The following TMC1 variants were observed in gnomAD, a reference collection of about 807,000 sequenced individuals.
TMC1 encodes transmembrane channel-like protein 1.
In TMC1, 84 loss-of-function variants were observed where a neutral mutation model predicts 105.8. The observed-to-expected ratio is 0.79, with a 90% CI of 0.67 to 0.95. The LOEUF (loss-of-function observed/expected upper bound fraction) is 0.95. Ranked by LOEUF, TMC1 falls within the 40% of genes least tolerant of loss-of-function variation. The probability of loss-of-function intolerance (pLI) is 0.00; values close to 1 mark genes in which losing one functional copy is unlikely to be tolerated. For synonymous variants in TMC1, 315 were observed against 311.5 expected (o/e 1.01, Z -0.12); for missense variants, 817 against 914.1 (o/e 0.89, Z 1.37).
At chr9:72,756,932 AG>A (rs1477128553) in intron 12 of TMC1, among the ~76,000 whole-genome samples, 1 of 152,124 alleles carries the variant, frequency 6.6e-6, no homozygotes, top group African/African-American at 2.4e-5. Flanking sequence ...GTAGAGGGAA[AG>A]GGTTTGGATG....
intron 1 of TMC1, among the ~76,000 whole-genome samples, chr9:72,537,363 G>A (rs1459562663): frequency 6.6e-6 from 1 of 152,130 alleles, no homozygotes; most frequent in Non-Finnish European, 1.5e-5. Flanking sequence ...CTGCATCCTT[G>A]AATTCCTCTC....
intron 3 of TMC1, among the ~76,000 whole-genome samples, chr9:72,617,556 C>T (rs1825156259): frequency 6.6e-6 from 1 of 152,122 alleles, no homozygotes; most frequent in African/African-American, 2.4e-5. Context: ...TACCAAATGG[C>T]ATAAGACCAC....
intron 1 of TMC1, among the ~76,000 whole-genome samples, chr9:72,558,575 G>A (rs984086726): frequency 3.9e-5 from 6 of 152,138 alleles, no homozygotes; most frequent in African/African-American, 1.4e-4. Flanking sequence ...CAGGCTCAGT[G>A]ATTTCTAATC....
chr9:72,750,788 A>G (rs1827569549), intron 10 of TMC1, among the ~76,000 whole-genome samples: 1 of 152,034 alleles, frequency 6.6e-6, no homozygotes. Flanking sequence ...GGCCCCACAC[A>G]CTGTGGTTTG....
At chr9:72,744,154 C>T (rs752245092) in intron 10 of TMC1, among the ~76,000 whole-genome samples, 3 of 152,216 alleles carry the variant, frequency 2.0e-5, no homozygotes, top group Admixed American at 6.5e-5. Flanking sequence ...TACATCAGCT[C>T]ATTAATTGTA....
intron 4 of TMC1, among the ~76,000 whole-genome samples, chr9:72,636,291 T>C (rs927991486): frequency 6.6e-6 from 1 of 152,218 alleles, no homozygotes; most frequent in African/African-American, 2.4e-5. Flanking sequence ...TTTCAATATA[T>C]GATTAGCAAA....
intron 2 of TMC1, among the ~76,000 whole-genome samples, chr9:72,587,366 C>T (rs1362699252): frequency 6.6e-6 from 1 of 152,126 alleles, no homozygotes; most frequent in African/African-American, 2.4e-5. Flanking sequence ...CCATGTTGGC[C>T]GGGCTGGTCT....
chr9:72,832,547 T>TG (rs1829057333), intron 23 of TMC1, among the ~76,000 whole-genome samples: 1 of 152,228 alleles, frequency 6.6e-6, no homozygotes, highest in Admixed American at 6.5e-5. Context: ...AAGCTGGGAT[T>TG]GGTCTGTTTT....
chr9:72,683,606 T>G (rs1826324412), intron 5 of TMC1, among the ~76,000 whole-genome samples: 1 of 150,310 alleles, frequency 6.7e-6, no homozygotes, highest in Admixed American at 6.7e-5. Context: ...AGAAGAGAGA[T>G]TTCACATTTT....
At chr9:72,546,666 CTG>C (rs934037821) in intron 1 of TMC1, among the ~76,000 whole-genome samples, 1 of 152,152 alleles carries the variant, frequency 6.6e-6, no homozygotes, top group African/African-American at 2.4e-5. Context: ...ATTTTAAAGA[CTG>C]AACACAGAAT....
intron 8 of TMC1, among the ~76,000 whole-genome samples, chr9:72,709,259 T>C (rs1457180031): frequency 2.0e-5 from 3 of 152,202 alleles, no homozygotes; most frequent in Non-Finnish European, 4.4e-5. Context: ...TTGGATTTGG[T>C]TAGCTAGTAT....
At chr9:72,742,264 G>A (rs1411399451) in intron 9 of TMC1, among the ~76,000 whole-genome samples, 180 bp from the exon 10 acceptor site, 2 of 152,108 alleles carry the variant, frequency 1.3e-5, no homozygotes, top group East Asian at 1.9e-4. Flanking sequence ...ATTGGTCTGG[G>A]GTTAGTGGAG....
intron 1 of TMC1, among the ~76,000 whole-genome samples, chr9:72,544,936 C>T (rs966409314): frequency 6.6e-6 from 1 of 151,850 alleles, no homozygotes; most frequent in Non-Finnish European, 1.5e-5. Context: ...TATCCTTCAC[C>T]CCCCCAAGTC....
At chr9:72,808,016 C>T (rs1828633515) in intron 18 of TMC1, among the ~76,000 whole-genome samples, 1 of 152,216 alleles carries the variant, frequency 6.6e-6, no homozygotes. Context: ...CCACTGTCCT[C>T]CTTTGAGTCA....
At chr9:72,706,592 A>C (rs1180766404) in intron 8 of TMC1, among the ~76,000 whole-genome samples, 1 of 152,132 alleles carries the variant, frequency 6.6e-6, no homozygotes, top group Non-Finnish European at 1.5e-5. Context: ...CTTTCCCCAG[A>C]GTCCCCAAAG....
At position 72,532,288 on chromosome 9, in the gene TMC1, C is replaced by T. The variant is rs564206660; in HGVS notation, c.-428+10375C>T. Among the ~76,000 whole-genome samples the T allele has an allele frequency of 7.9e-5, 12 of 152,218 alleles. No individual in the cohort carries two copies. In the South Asian group the frequency reaches 2.5e-3, roughly 32 times the overall value. On this transcript the variant is annotated intron_variant, in intron 1 of 23. Transcript: ENST00000297784. ...GGGCATGGCAGCTCACGCCTGTAAT[C>T]CCAGCACTTTGGGAGGTTGAGGCGG...
intron 17 of TMC1, among the ~76,000 whole-genome samples, chr9:72,799,356 G>C (rs975495397): frequency 6.6e-6 from 1 of 151,916 alleles, no homozygotes; most frequent in African/African-American, 2.4e-5. Context: ...TGAAGGACTA[G>C]CATTAGTCTT....
intron 1 of TMC1, among the ~76,000 whole-genome samples, chr9:72,545,923 G>A (rs1823758212): frequency 1.3e-5 from 2 of 150,464 alleles, no homozygotes; most frequent in Non-Finnish European, 1.5e-5. Context: ...AAATGTCATC[G>A]CTCAAAAAAG....
intron 12 of TMC1, among the ~76,000 whole-genome samples, chr9:72,756,792 A>G (rs1827682653): frequency 6.6e-6 from 1 of 152,188 alleles, no homozygotes; most frequent in Admixed American, 6.5e-5. Context: ...GAAATGGAAA[A>G]TTTTGGGCAA....
Sources: allele counts gnomAD v4.1 joint callset (sites outside exome capture counted in the v4.1 genomes callset), GRCh38; gene constraint gnomAD v4.1.1; transcripts MANE v1.5; gene names NCBI Gene and HGNC (gene_info 2026-07-23, HGNC 2026-07-21).